The following TRAF3 variants were observed in gnomAD, a reference collection of about 807,000 sequenced individuals.
The protein encoded by TRAF3 is TNF receptor associated factor 3.
A neutral mutation model predicts 62.3 loss-of-function variants in TRAF3; 13 were observed. That is an observed-to-expected ratio of 0.21 (90% CI 0.14 to 0.33). The LOEUF is 0.33. Among genes scored for constraint, TRAF3 ranks in the 10% least tolerant of loss-of-function variants. The probability of loss-of-function intolerance (pLI) is 1.00; values close to 1 mark genes in which losing one functional copy is unlikely to be tolerated. For missense variants in TRAF3, 440 were observed against 741.8 expected (o/e 0.59, Z 4.73); for synonymous variants, 269 against 283.4 (o/e 0.95, Z 0.51).
intron 2 of TRAF3, among the ~76,000 whole-genome samples, chr14:102,839,462 C>T (rs145560845): frequency 3.9e-5 from 6 of 152,198 alleles, no homozygotes; most frequent in African/African-American, 7.2e-5. Flanking sequence ...TCAAGTGATC[C>T]GCCCATCTTG....
At position 102,884,164 on chromosome 14, in the gene TRAF3, TCA is replaced by T. The variant is rs57493616; in HGVS notation, c.571-2024_571-2023del. On this transcript the variant is annotated intron_variant, in intron 6 of 11. Transcript: ENST00000392745. The stretch of plus-strand genomic sequence containing the variant: ...TGTAGGGAAGGCTTCCCTGCCCCTC[TCA>T]GTTTCTGGAGCCACCAGCAGTCCTT... Among the ~76,000 whole-genome samples, 1,216 of 152,300 alleles carry T rather than the reference TCA, an allele frequency of 8.0e-3. 18 individuals are homozygous for T. Among genetic ancestry groups the T allele is most frequent in the African/African-American group, 0.027 (1,135 of 41,560 alleles).
Position 102,905,904 on chromosome 14 carries a change from A to G in TRAF3, c.*120A>G. On this transcript the variant is annotated 3_prime_UTR_variant, in exon 12 of 12. Coordinates refer to ENST00000392745, the MANE Select transcript of TRAF3 (RefSeq NM_145725.3). ...CCTTGTGAGACGGAGGAAGCGGCAG[A>G]AGGCGGACGCGTGCCGGCGGGAGGA... The G allele has an allele frequency of 3.2e-6, 3 of 950,000 alleles. No homozygotes were observed. The highest frequency in any genetic ancestry group is 4.7e-6 in the Non-Finnish European group (3 of 638,724). The allele number at this position is 950,000 out of a possible 1,614,324, so 58.8% of individuals were successfully genotyped here.
chr14:102,799,713 G>A lies in TRAF3; in HGVS notation c.-157+22038G>A, dbSNP rs560182987. On this transcript the variant is annotated intron_variant, in intron 1 of 11. Transcript: ENST00000392745. ...GGACCTGCGTGCCTTGGCATCTCAAGTGCTGGAATTACAGGCTGAGCCACT... is the reference window on the plus strand; with the variant it reads ...GGACCTGCGTGCCTTGGCATCTCAAATGCTGGAATTACAGGCTGAGCCACT... Among the ~76,000 whole-genome samples, 127 of 152,294 alleles carry A rather than the reference G, an allele frequency of 8.3e-4. 4 individuals are homozygous for A. The South Asian group carries it at 0.024, about 28-fold the overall frequency.
intron 6 of TRAF3, among the ~76,000 whole-genome samples, chr14:102,879,251 C>T (rs930524892): frequency 2.0e-5 from 3 of 152,072 alleles, no homozygotes; most frequent in Admixed American, 6.5e-5. Flanking sequence ...GGCCATCATC[C>T]AGTTCCTGGT....
intron 2 of TRAF3, among the ~76,000 whole-genome samples, chr14:102,867,863 C>G (rs1029938250): frequency 6.6e-6 from 1 of 152,136 alleles, no homozygotes; most frequent in Non-Finnish European, 1.5e-5. Flanking sequence ...CACATTTTGC[C>G]ACAGTTATGT....
chr14:102,866,214 T>C (rs1375857593), intron 2 of TRAF3, among the ~76,000 whole-genome samples: 1 of 152,026 alleles, frequency 6.6e-6, no homozygotes, highest in Non-Finnish European at 1.5e-5. Flanking sequence ...CACTCGTAAG[T>C]GGGAGTTGAA....
chr14:102,784,291 C>T (rs541033243), intron 1 of TRAF3, among the ~76,000 whole-genome samples: 71 of 144,246 alleles, frequency 4.9e-4, no homozygotes, highest in South Asian at 2.6e-3. Context: ...GGCACGATCT[C>T]GACTCACTGC....
At chr14:102,879,607 C>T (rs1258479460) in intron 6 of TRAF3, among the ~76,000 whole-genome samples, 15 of 151,654 alleles carry the variant, frequency 9.9e-5, no homozygotes, top group Admixed American at 5.2e-4. Context: ...TTGCTTTTTT[C>T]TCTATGAAAT....
At chr14:102,825,114 T>C (rs770335428) in intron 1 of TRAF3, among the ~76,000 whole-genome samples, 24 of 152,234 alleles carry the variant, frequency 1.6e-4, no homozygotes, top group Non-Finnish European at 3.2e-4. Flanking sequence ...CAGCATGCCC[T>C]TTCTGCTCTG....
intron 4 of TRAF3, among the ~76,000 whole-genome samples, chr14:102,873,251 G>T (rs189366960): frequency 1.3e-5 from 2 of 152,134 alleles, no homozygotes; most frequent in Non-Finnish European, 2.9e-5. Flanking sequence ...GCTCTGGAAG[G>T]GGGAGAGATG....
intron 1 of TRAF3, among the ~76,000 whole-genome samples, chr14:102,778,587 G>A (rs1329778553): frequency 2.4e-5 from 3 of 125,702 alleles, no homozygotes; most frequent in Admixed American, 2.3e-4. Flanking sequence ...GTGGTGCGTG[G>A]TGTGTGTGCC....
intron 2 of TRAF3, among the ~76,000 whole-genome samples, chr14:102,836,322 C>A (rs953805363): frequency 6.6e-6 from 1 of 152,174 alleles, no homozygotes; most frequent in Non-Finnish European, 1.5e-5. Context: ...TCATAATTTT[C>A]TGGCAGAAAA....
chr14:102,870,044 A>G (rs896749496), intron 2 of TRAF3, 141 bp from the exon 3 acceptor site: 8 of 956,166 alleles, frequency 8.4e-6, no homozygotes, highest in Non-Finnish European at 1.3e-5. Context: ...TTTGTTCCCA[A>G]CACATATTAA....
intron 1 of TRAF3, among the ~76,000 whole-genome samples, chr14:102,789,862 C>G (rs11850030): frequency 0.21 from 31,769 of 151,478 alleles, 3,608 homozygotes; most frequent in East Asian, 0.38. Flanking sequence ...TTCTGTTGCC[C>G]AGGCTGGAGT....
chr14:102,878,577 A>G (rs1186846259), intron 6 of TRAF3, among the ~76,000 whole-genome samples: 1 of 152,176 alleles, frequency 6.6e-6, no homozygotes, highest in African/African-American at 2.4e-5. Context: ...CTCAGTGGTG[A>G]GGCTCCTCTA....
At chr14:102,800,911 G>A (rs187268495) in intron 1 of TRAF3, among the ~76,000 whole-genome samples, 2 of 152,176 alleles carry the variant, frequency 1.3e-5, no homozygotes, top group South Asian at 2.1e-4. Context: ...GGGCGCGGTG[G>A]CTCACACCTG....
rs531998726 is a variant in TRAF3, at chr14:102,787,031, T to C, written c.-157+9356T>C. On this transcript the variant is annotated intron_variant, in intron 1 of 11. Coordinates refer to ENST00000392745, the MANE Select transcript of TRAF3 (RefSeq NM_145725.3). ...CAAGAACAAGAAAAATCAGAGCATG[T>C]GAGAGAATATAAGAACCTAATATTT... 2.6e-5 allele frequency among the ~76,000 whole-genome samples: 4 copies of C among 152,220 alleles called. No individual in the cohort carries two copies. The South Asian group carries it at 8.3e-4, about 32-fold the overall frequency.
rs892000523 is a variant in TRAF3 at position 102,826,429 on chromosome 14, G to A, written c.-156-3905G>A. 1.3e-5 allele frequency among the ~76,000 whole-genome samples: 2 copies of A among 152,218 alleles called. No individual in the cohort carries two copies. Among genetic ancestry groups the A allele is most frequent in the Admixed American group, 6.5e-5 (1 of 15,284 alleles). ...GTGCGGGGGCAGCTGCAGAGCCGCC[G>A]CTTCAGGACAGCATGGGAGCTGCTG... On this transcript the variant is annotated intron_variant, in intron 1 of 11. Coordinates refer to ENST00000392745, the MANE Select transcript of TRAF3 (RefSeq NM_145725.3). This position sits in a 1 kb window ranked among gnomAD's most constrained non-coding sequence, Gnocchi z 4.6.
Position 102,906,240 on chromosome 14 carries a change from C to G in TRAF3, c.*456C>G, listed in dbSNP as rs547444710. 6.2e-6 allele frequency: 1 copy of G among 162,034 alleles called. No homozygotes were observed. Among genetic ancestry groups the G allele is most frequent in the East Asian group, 1.7e-4 (1 of 5,848 alleles). The allele number at this position is 162,034 out of a possible 1,614,324, so 10.0% of individuals were successfully genotyped here. A position where few individuals can be genotyped will look rare whatever the true frequency, so the allele number is the denominator to read the frequency against. On this transcript the variant is annotated 3_prime_UTR_variant, in exon 12 of 12. Coordinates refer to ENST00000392745, the MANE Select transcript of TRAF3 (RefSeq NM_145725.3). Reference sequence around the variant, plus strand: ...ATTCTGATATCTTCTTTCTAAAATTCAAGAGTGCAATTTTGTTTCAAATAC... The same window carrying G: ...ATTCTGATATCTTCTTTCTAAAATTGAAGAGTGCAATTTTGTTTCAAATAC...
Sources: allele counts gnomAD v4.1 joint callset (sites outside exome capture counted in the v4.1 genomes callset), GRCh38; gene constraint gnomAD v4.1.1; non-coding constraint Gnocchi (gnomAD v3.1); transcripts MANE v1.5; gene names NCBI Gene and HGNC (gene_info 2026-07-23, HGNC 2026-07-21).